Variants in FOXK2 observed in about 807,000 individuals in gnomAD.
The protein encoded by FOXK2 is forkhead box K2, also known as forkhead box protein K2.
Under a neutral mutation model 53.3 loss-of-function variants are expected in FOXK2, and 24 were observed. The observed-to-expected ratio is 0.45, with a 90% confidence interval of 0.33 to 0.63. FOXK2 has a LOEUF of 0.63. Among genes scored for constraint, FOXK2 ranks in the 30% least tolerant of loss-of-function variants. FOXK2 has a pLI of 0.03. For missense variants in FOXK2, 952 were observed against 910.5 expected (o/e 1.05, Z -0.59); for synonymous variants, 505 against 407.1 (o/e 1.24, Z -2.89).
chr17:82,522,866 C>A (rs1035730674), intron 1 of FOXK2, among the ~76,000 whole-genome samples: 2 of 152,176 alleles, frequency 1.3e-5, no homozygotes, highest in African/African-American at 4.8e-5. Flanking sequence ...GTGATCTTGG[C>A]TTGCTGCAAC....
chr17:82,550,286 A>G (rs373024456), intron 1 of FOXK2, among the ~76,000 whole-genome samples: 75 of 152,306 alleles, frequency 4.9e-4, no homozygotes, highest in African/African-American at 1.7e-3. Flanking sequence ...CTTGACTTCA[A>G]GCTTTCCCAG....
chr17:82,545,755 T>C (rs1026628525), intron 1 of FOXK2, among the ~76,000 whole-genome samples: 3 of 152,088 alleles, frequency 2.0e-5, no homozygotes, highest in Non-Finnish European at 4.4e-5. Flanking sequence ...CTAATTTTTG[T>C]ACTTTTAGTA....
chr17:82,584,022 A>G lies in FOXK2; in HGVS notation c.1113A>G (p.Pro371=). Reference sequence around the variant, plus strand: ...CTTCTCGGTGACACAGGAGTGCCCCAGCCTCTCCCAATCACGCGGGAGTGC... The same window carrying G: ...CTTCTCGGTGACACAGGAGTGCCCCGGCCTCTCCCAATCACGCGGGAGTGC... ...PLGPLSSRSA[P]ASPNHAGVLS... Residue 371 remains proline (P), a synonymous_variant, in exon 6 of 9, where the codon CCA becomes CCG. Coordinates refer to ENST00000335255, the MANE Select transcript of FOXK2 (RefSeq NM_004514.4). The G allele has an allele frequency of 6.3e-7, 1 of 1,599,872 alleles. No individual in the cohort carries two copies. Among genetic ancestry groups the G allele is most frequent in the Non-Finnish European group, 8.5e-7 (1 of 1,171,172 alleles).
At chr17:82,546,764 A>G (rs2044629421) in intron 1 of FOXK2, among the ~76,000 whole-genome samples, 1 of 151,936 alleles carries the variant, frequency 6.6e-6, no homozygotes, top group Non-Finnish European at 1.5e-5. Context: ...ACTGAGCCCA[A>G]CCTAAAACTC....
chr17:82,520,152 C>T lies in FOXK2; in HGVS notation c.264C>T (p.Gly88=), dbSNP rs760944672. 2.6e-5 allele frequency: 39 copies of T among 1,519,796 alleles called. No individual in the cohort carries two copies. The highest frequency in any genetic ancestry group is 2.1e-4 in the South Asian group (17 of 80,974). The allele number at this position is 1,519,796 out of a possible 1,614,324, so 94.1% of individuals were successfully genotyped here. Reference sequence around the variant, plus strand: ...TCGAGATCTTCACGCCCCCGGGCGGCGGCGGCCATGGCGGGGCCGCTCCGG... The same window carrying T: ...TCGAGATCTTCACGCCCCCGGGCGGTGGCGGCCATGGCGGGGCCGCTCCGG... ...RHLEIFTPPG[G]GGHGGAAPEL... Residue 88 remains glycine (G), a synonymous_variant, in exon 1 of 9, where the codon GGC becomes GGT. Coordinates refer to ENST00000335255, the MANE Select transcript of FOXK2 (RefSeq NM_004514.4).
chr17:82,569,537 A>T (rs1170166264), intron 3 of FOXK2, among the ~76,000 whole-genome samples: 2 of 152,154 alleles, frequency 1.3e-5, no homozygotes, highest in African/African-American at 4.8e-5. Context: ...CTGTCTCTTG[A>T]CCTAGTATAC....
chr17:82,552,482 C>A (rs551353926), intron 1 of FOXK2, among the ~76,000 whole-genome samples: 3 of 152,184 alleles, frequency 2.0e-5, no homozygotes, highest in Non-Finnish European at 2.9e-5. Flanking sequence ...CTGATAGGCC[C>A]TGTGTCACAC....
chr17:82,562,435 C>T (rs2044806794), intron 1 of FOXK2, among the ~76,000 whole-genome samples: 2 of 152,088 alleles, frequency 1.3e-5, no homozygotes, highest in African/African-American at 4.8e-5. Flanking sequence ...ACGAAATTAG[C>T]CGGGCGTGGT....
chr17:82,583,184 G>A (rs2045084951), intron 5 of FOXK2, among the ~76,000 whole-genome samples: 2 of 152,200 alleles, frequency 1.3e-5, no homozygotes, highest in East Asian at 1.9e-4. Context: ...GGGGCTCATC[G>A]CATGTTGTTC....
At chr17:82,584,831 C>T (rs985900769) in intron 6 of FOXK2, among the ~76,000 whole-genome samples, 22 of 152,300 alleles carry the variant, frequency 1.4e-4, no homozygotes, top group Admixed American at 8.5e-4. Flanking sequence ...GGCGTACAGG[C>T]GTGAGCCACC....
Position 82,568,179 on chromosome 17 carries a change from C to T in FOXK2, c.740C>T (p.Ala247Val), listed in dbSNP as rs1236267121. 5 of 1,612,938 alleles carry T rather than the reference C, an allele frequency of 3.1e-6. No homozygotes were observed. Among genetic ancestry groups the T allele is most frequent in the Non-Finnish European group, 3.4e-6 (4 of 1,179,966 alleles). Residue 247 changes from alanine (A) to valine (V), a missense_variant, in exon 3 of 9, where the codon GCT becomes GTT. By Grantham distance (64) the Ala-to-Val change is moderately conservative. Transcript: ENST00000335255. ...DNSQPENEKE[A>V]SGGDSPKDDS... The stretch of plus-strand genomic sequence containing the variant: ...TCACAGCCTGAAAATGAAAAGGAAG[C>T]TTCAGGTGGAGACAGCCCGAAGGTA...
chr17:82,551,163 A>G (rs1459720488), intron 1 of FOXK2, among the ~76,000 whole-genome samples: 1 of 151,680 alleles, frequency 6.6e-6, no homozygotes, highest in Admixed American at 6.6e-5. Context: ...TAAAAATCCA[A>G]AAAATTAGCC....
Position 82,586,161 on chromosome 17 carries a change from G to T in FOXK2, c.1537G>T (p.Ala513Ser). The T allele has an allele frequency of 6.2e-7, 1 of 1,612,418 alleles. No individual in the cohort carries two copies. Among genetic ancestry groups the T allele is most frequent in the Non-Finnish European group, 8.5e-7 (1 of 1,179,810 alleles). Residue 513 changes from alanine to serine, a missense_variant, in exon 7 of 9, where the codon GCA (alanine) becomes TCA (serine). Physicochemically the swap from Ala to Ser is moderately conservative, Grantham distance 99. Coordinates refer to ENST00000335255, the MANE Select transcript of FOXK2 (RefSeq NM_004514.4). ...GGCAGCCGTGCTGGCCCCTCCTAAG[G>T]CAGAGGCCCAGGAGAATGGAGACCA... is the stretch of plus-strand genomic sequence containing the variant. ...TPAAVLAPPK[A>S]EAQENGDHRE... is the part of the protein sequence containing the mutation.
At chr17:82,549,535 C>A (rs903854230) in intron 1 of FOXK2, among the ~76,000 whole-genome samples, 1 of 152,106 alleles carries the variant, frequency 6.6e-6, no homozygotes, top group Non-Finnish European at 1.5e-5. Flanking sequence ...AATTATTCTC[C>A]TTATTACAGT....
At chr17:82,585,869 T>A in intron 6 of FOXK2, 35 bp from the exon 7 acceptor site, 1 of 1,584,866 alleles carries the variant, frequency 6.3e-7, no homozygotes. Context: ...GAAGTCAGTA[T>A]CTGTAAGTGT....
At chr17:82,583,154 C>T (rs141236676) in intron 5 of FOXK2, among the ~76,000 whole-genome samples, 271 of 152,334 alleles carry the variant, frequency 1.8e-3, no homozygotes, top group African/African-American at 6.3e-3. Context: ...CTGCACTCGA[C>T]GCAGTGATTG....
chr17:82,521,498 G>A (rs1323471547), intron 1 of FOXK2, among the ~76,000 whole-genome samples: 2 of 151,488 alleles, frequency 1.3e-5, no homozygotes, highest in Non-Finnish European at 2.9e-5. Flanking sequence ...TAACGCTTTC[G>A]GTTGTTGGAG....
At chr17:82,592,407 G>C (rs1259135866) in intron 8 of FOXK2, among the ~76,000 whole-genome samples, 2 of 152,194 alleles carry the variant, frequency 1.3e-5, no homozygotes, top group South Asian at 4.1e-4. Context: ...CTTCTTAAGG[G>C]TTCACAGATC....
intron 3 of FOXK2, among the ~76,000 whole-genome samples, chr17:82,571,336 C>T (rs1188264825): frequency 6.6e-6 from 1 of 152,156 alleles, no homozygotes; most frequent in Non-Finnish European, 1.5e-5. Context: ...CGCAGTGGCT[C>T]ACACCCGTAA....
Sources: gnomAD v4.1 joint callset for allele counts (sites outside exome capture counted in the v4.1 genomes callset) on GRCh38, gnomAD v4.1.1 for gene constraint, MANE v1.5 for transcripts, NCBI Gene and HGNC (gene_info 2026-07-23, HGNC 2026-07-21) for gene names.